Variants in NR1H4 observed in about 807,000 individuals in gnomAD.
NR1H4 encodes nuclear receptor subfamily 1 group H member 4, also known as bile acid receptor.
A neutral mutation model predicts 58.5 loss-of-function variants in NR1H4; 23 were observed. The ratio of observed to expected loss-of-function variants is 0.39; its 90% CI spans 0.28 to 0.56. NR1H4 has a LOEUF of 0.56. Among genes scored for constraint, NR1H4 ranks in the 20% least tolerant of loss-of-function variants. NR1H4 has a pLI of 0.58. For missense variants in NR1H4, 487 were observed against 576.9 expected, an observed-to-expected ratio of 0.84 and a Z score of 1.60; for synonymous variants, 214 against 198.0, an observed-to-expected ratio of 1.08 and a Z score of -0.68.
intron 3 of NR1H4, among the ~76,000 whole-genome samples, chr12:100,502,790 G>A (rs778417410): frequency 3.9e-5 from 6 of 152,102 alleles, no homozygotes; most frequent in Non-Finnish European, 7.4e-5. Flanking sequence ...CATGGTGGTA[G>A]GCATGTCTTA....
chr12:100,554,277 A>G (rs1407860971), intron 9 of NR1H4, among the ~76,000 whole-genome samples: 1 of 152,216 alleles, frequency 6.6e-6, no homozygotes, highest in East Asian at 1.9e-4. Context: ...TTAAGGAAAT[A>G]GTATCATTTT....
chr12:100,557,508 A>C (rs572514122), intron 9 of NR1H4, among the ~76,000 whole-genome samples: 9 of 152,332 alleles, frequency 5.9e-5, no homozygotes, highest in Admixed American at 5.9e-4. Context: ...TATATTGTGT[A>C]ATGATGTGAT....
intron 4 of NR1H4, among the ~76,000 whole-genome samples, chr12:100,530,354 C>T (rs1954661984): frequency 6.6e-6 from 1 of 152,142 alleles, no homozygotes; most frequent in African/African-American, 2.4e-5. Flanking sequence ...ATACTATCTT[C>T]ATCATAAAAT....
intron 1 of NR1H4, among the ~76,000 whole-genome samples, chr12:100,484,436 A>G (rs1181903603): frequency 6.6e-6 from 1 of 152,204 alleles, no homozygotes; most frequent in South Asian, 2.1e-4. Context: ...ACCAGTAACT[A>G]TGTGTCTTAT....
chr12:100,522,278 T>A (rs563190450), intron 4 of NR1H4, among the ~76,000 whole-genome samples: 1 of 152,256 alleles, frequency 6.6e-6, no homozygotes, highest in African/African-American at 2.4e-5. Context: ...ATCAAGTGAT[T>A]ACTATGTGCA....
chr12:100,500,336 A>T (rs1240798534), intron 3 of NR1H4, among the ~76,000 whole-genome samples: 1 of 152,158 alleles, frequency 6.6e-6, no homozygotes, highest in Non-Finnish European at 1.5e-5. Flanking sequence ...TTCATAGCTG[A>T]TGCCCCACTC....
At chr12:100,474,421 A>C (rs976281352) in intron 1 of NR1H4, among the ~76,000 whole-genome samples, 1 of 152,212 alleles carries the variant, frequency 6.6e-6, no homozygotes, top group African/African-American at 2.4e-5. Context: ...GTGATTTATC[A>C]AATCTTGATG....
intron 9 of NR1H4, among the ~76,000 whole-genome samples, chr12:100,560,421 A>C (rs1202056224): frequency 6.6e-6 from 1 of 152,188 alleles, no homozygotes; most frequent in Admixed American, 6.5e-5. Context: ...GAAGATCTGC[A>C]GCTTCACTCC....
intron 1 of NR1H4, among the ~76,000 whole-genome samples, chr12:100,484,975 A>G (rs561662765): frequency 6.6e-6 from 1 of 152,358 alleles, no homozygotes; most frequent in Admixed American, 6.5e-5. Context: ...CTTTCCATAT[A>G]TAATTTCATT....
chr12:100,500,565 G>T (rs970546363), intron 3 of NR1H4, among the ~76,000 whole-genome samples: 5 of 152,264 alleles, frequency 3.3e-5, no homozygotes, highest in Middle Eastern at 3.4e-3. Context: ...AGCCTGATAT[G>T]GTTGGGCTCT....
intron 4 of NR1H4, among the ~76,000 whole-genome samples, chr12:100,530,756 G>A (rs887292274): frequency 6.6e-6 from 1 of 152,188 alleles, no homozygotes; most frequent in Non-Finnish European, 1.5e-5. Context: ...TAGTAACTTT[G>A]TGAGAATTGG....
chr12:100,543,495 G>A (rs568402111), intron 9 of NR1H4, among the ~76,000 whole-genome samples: 6 of 152,040 alleles, frequency 3.9e-5, no homozygotes, highest in Non-Finnish European at 5.9e-5. Flanking sequence ...ATATATCTTC[G>A]TGGCTTATCA....
intron 1 of NR1H4, among the ~76,000 whole-genome samples, chr12:100,483,908 C>T (rs938767799): frequency 3.4e-5 from 5 of 148,270 alleles, no homozygotes; most frequent in East Asian, 2.0e-4. Flanking sequence ...CACTTGAACC[C>T]GGGAGATGAA....
intron 4 of NR1H4, among the ~76,000 whole-genome samples, chr12:100,530,297 A>C (rs981337574): frequency 2.0e-5 from 3 of 152,226 alleles, no homozygotes; most frequent in Non-Finnish European, 4.4e-5. Context: ...CAAGATACTT[A>C]AACTCTCTGT....
chr12:100,536,887 G>T, intron 7 of NR1H4, 61 bp from the exon 8 acceptor site: 1 of 1,012,414 alleles, frequency 9.9e-7, no homozygotes. Flanking sequence ...TTAGTCTAAT[G>T]GTTTTATATT....
At chr12:100,555,402 G>A (rs983491810) in intron 9 of NR1H4, among the ~76,000 whole-genome samples, 5 of 152,110 alleles carry the variant, frequency 3.3e-5, no homozygotes, top group African/African-American at 7.2e-5. Flanking sequence ...GAAAAATACT[G>A]AAGCAAATCA....
At chr12:100,511,227 T>A in intron 4 of NR1H4, 84 bp downstream of exon 4, 1 of 1,580,354 alleles carries the variant, frequency 6.3e-7, no homozygotes, top group South Asian at 1.1e-5. Flanking sequence ...GCTTCCCTTT[T>A]CCCAGGCAAC....
At chr12:100,545,138 A>T (rs1479990940) in intron 9 of NR1H4, among the ~76,000 whole-genome samples, 1 of 151,986 alleles carries the variant, frequency 6.6e-6, no homozygotes, top group East Asian at 1.9e-4. Flanking sequence ...TTAAAAAAAA[A>T]TCTTTGCCTG....
At chr12:100,513,841 G>A (rs201550284) in intron 4 of NR1H4, among the ~76,000 whole-genome samples, 1 of 141,086 alleles carries the variant, frequency 7.1e-6, no homozygotes, top group East Asian at 2.7e-4. Flanking sequence ...AGGAAGGAAG[G>A]AAGGAAGGAA....
Sources: gnomAD v4.1 joint callset for allele counts (sites outside exome capture counted in the v4.1 genomes callset) on GRCh38, gnomAD v4.1.1 for gene constraint, MANE v1.5 for transcripts, NCBI Gene and HGNC (gene_info 2026-07-23, HGNC 2026-07-21) for gene names.